The following LDLRAD4 variants were observed in gnomAD, a reference collection of about 807,000 sequenced individuals.
LDLRAD4 encodes the protein low density lipoprotein receptor class A domain containing 4.
In LDLRAD4, 5 loss-of-function variants were observed where a neutral mutation model predicts 17.0. That is an observed-to-expected ratio of 0.29 (90% CI 0.15 to 0.62). The LOEUF is 0.62. LDLRAD4 is among the 20% of genes least tolerant of loss of function. LDLRAD4 has a pLI of 0.84. For missense variants in LDLRAD4, 340 were observed against 424.7 expected (o/e 0.80, Z 1.75); for synonymous variants, 168 against 171.8 (o/e 0.98, Z 0.17).
At chr18:13,565,627 G>C (rs561719838) in intron 3 of LDLRAD4, among the ~76,000 whole-genome samples, 1 of 152,144 alleles carries the variant, frequency 6.6e-6, no homozygotes, top group African/African-American at 2.4e-5. Flanking sequence ...CTCCTTTCTC[G>C]TGCCCCTGTC....
intron 1 of LDLRAD4, among the ~76,000 whole-genome samples, chr18:13,252,868 A>T (rs564140534): frequency 6.6e-6 from 1 of 152,310 alleles, no homozygotes; most frequent in South Asian, 2.1e-4. Context: ...TGTTCCTAGA[A>T]TAGTGTCCTT....
chr18:13,264,606 G>A (rs2044109992), intron 1 of LDLRAD4, among the ~76,000 whole-genome samples: 1 of 152,262 alleles, frequency 6.6e-6, no homozygotes, highest in Non-Finnish European at 1.5e-5. Flanking sequence ...ATGTTGTCCT[G>A]TGCTTCCTTC....
chr18:13,444,027 T>C (rs922237225), intron 3 of LDLRAD4, among the ~76,000 whole-genome samples: 1 of 152,212 alleles, frequency 6.6e-6, no homozygotes, highest in African/African-American at 2.4e-5. Context: ...TTCTGTCCTT[T>C]TTTCTCAAGT....
chr18:13,446,130 G>A (rs923169036), intron 3 of LDLRAD4, among the ~76,000 whole-genome samples: 1 of 152,110 alleles, frequency 6.6e-6, no homozygotes, highest in Admixed American at 6.5e-5. Flanking sequence ...GCTGTTTGCC[G>A]AGTGCTCACT....
intron 3 of LDLRAD4, among the ~76,000 whole-genome samples, chr18:13,609,320 C>G (rs147775839): frequency 6.6e-6 from 1 of 152,172 alleles, no homozygotes; most frequent in African/African-American, 2.4e-5. Context: ...GACTTGACCT[C>G]GGAACTTCCT....
At chr18:13,338,414 A>AC (rs5823249) in intron 1 of LDLRAD4, among the ~76,000 whole-genome samples, 61,005 of 151,900 alleles carry the variant, frequency 0.4, 12,581 homozygotes, top group African/African-American at 0.51. Flanking sequence ...AGAGATCCGA[A>AC]AACAGTTCCT....
At chr18:13,575,829 T>C (rs2094761463) in intron 3 of LDLRAD4, among the ~76,000 whole-genome samples, 1 of 152,244 alleles carries the variant, frequency 6.6e-6, no homozygotes, top group African/African-American at 2.4e-5. Flanking sequence ...ATTAGTGATG[T>C]TGAGCATTTT....
chr18:13,263,677 C>G (rs187821307), intron 1 of LDLRAD4, among the ~76,000 whole-genome samples: 5 of 152,310 alleles, frequency 3.3e-5, no homozygotes, highest in Admixed American at 2.6e-4. Context: ...TGTTGGTAAT[C>G]GTATTACCCA....
chr18:13,530,859 C>T (rs2094116201), intron 3 of LDLRAD4, among the ~76,000 whole-genome samples: 1 of 147,354 alleles, frequency 6.8e-6, no homozygotes, highest in African/African-American at 2.5e-5. Flanking sequence ...CCGCAGATGT[C>T]CCAGGGTCAT....
rs933972781 is a variant in LDLRAD4 at position 13,510,349 on chromosome 18, C to G, written c.181+71965C>G. 5.3e-5 allele frequency among the ~76,000 whole-genome samples: 8 copies of G among 152,138 alleles called. No homozygotes were observed. In the South Asian group the frequency reaches 1.7e-3, roughly 32 times the overall value. On this transcript the variant is annotated intron_variant, in intron 3 of 5. Transcript: ENST00000359446. The stretch of plus-strand genomic sequence containing the variant: ...GGAGACTTTCTGCATGTCATGCAGC[C>G]TCCTGGGGCCTCAGTTTCTCTTCTG...
chr18:13,305,691 G>A (rs2046871317), intron 1 of LDLRAD4, among the ~76,000 whole-genome samples: 1 of 152,182 alleles, frequency 6.6e-6, no homozygotes, highest in South Asian at 2.1e-4. Context: ...GGCAGCTGTG[G>A]TTACCTTTTG....
intron 3 of LDLRAD4, among the ~76,000 whole-genome samples, chr18:13,516,945 C>T (rs978330219): frequency 6.6e-6 from 1 of 152,160 alleles, no homozygotes; most frequent in Admixed American, 6.5e-5. Flanking sequence ...GAACTCCTAA[C>T]CTCAAGTGAT....
intron 1 of LDLRAD4, among the ~76,000 whole-genome samples, chr18:13,228,194 C>T (rs938598314): frequency 2.6e-5 from 4 of 152,140 alleles, no homozygotes; most frequent in African/African-American, 9.7e-5. Flanking sequence ...ATGAGGCCTG[C>T]GGAGTGGAGA....
intron 2 of LDLRAD4, among the ~76,000 whole-genome samples, chr18:13,409,805 G>A (rs779314186): frequency 9.9e-5 from 15 of 152,066 alleles, no homozygotes; most frequent in South Asian, 2.1e-4. Flanking sequence ...CCTGATACTG[G>A]GTGCTGAAAT....
At chr18:13,311,542 G>A (rs544742067) in intron 1 of LDLRAD4, among the ~76,000 whole-genome samples, 1 of 152,328 alleles carries the variant, frequency 6.6e-6, no homozygotes, top group South Asian at 2.1e-4. Context: ...CGGCCACACT[G>A]GGCAATGTTT....
chr18:13,651,227 A>ACTC, exon 6 of LDLRAD4: 1 of 152,248 alleles, frequency 6.6e-6, no homozygotes, highest in Non-Finnish European at 1.5e-5. Context: ...GCAGCAGAAG[A>ACTC]CTTTGTTCAG....
intron 2 of LDLRAD4, among the ~76,000 whole-genome samples, chr18:13,399,952 A>T (rs2087026939): frequency 6.6e-6 from 1 of 152,244 alleles, no homozygotes; most frequent in South Asian, 2.1e-4. Flanking sequence ...GCTGCATTTT[A>T]TAACAAAGTG....
chr18:13,387,047 T>C (rs1324791788), intron 1 of LDLRAD4, among the ~76,000 whole-genome samples: 3 of 152,256 alleles, frequency 2.0e-5, no homozygotes, highest in African/African-American at 7.2e-5. Flanking sequence ...CCAGTGGCCA[T>C]GCACCACAGA....
chr18:13,287,018 C>T (rs1247775861), intron 1 of LDLRAD4, among the ~76,000 whole-genome samples: 1 of 152,264 alleles, frequency 6.6e-6, no homozygotes, highest in Admixed American at 6.5e-5. Flanking sequence ...GAGCCTGGAC[C>T]AGCCCGTGTG....
Sources: allele counts gnomAD v4.1 joint callset (sites outside exome capture counted in the v4.1 genomes callset), GRCh38; gene constraint gnomAD v4.1.1; transcripts MANE v1.5; gene names NCBI Gene and HGNC (gene_info 2026-07-23, HGNC 2026-07-21).